Variants in PANK4 observed in about 807,000 individuals in gnomAD.
PANK4 encodes pantothenate kinase 4 (inactive).
Under a neutral mutation model 87.9 loss-of-function variants are expected in PANK4, and 40 were observed. The ratio of observed to expected loss-of-function variants is 0.46; its 90% CI spans 0.35 to 0.59. PANK4 has a LOEUF of 0.59. Among genes scored for constraint, PANK4 ranks in the 20% least tolerant of loss-of-function variants. The pLI, the probability that PANK4 is intolerant of heterozygous loss-of-function variation, is 0.00. For synonymous variants in PANK4, 524 were observed against 467.4 expected, an observed-to-expected ratio of 1.12 and a Z score of -1.56; for missense variants, 926 against 1,072.3, an observed-to-expected ratio of 0.86 and a Z score of 1.90.
At chr1:2,517,604 G>A (rs967669593) in intron 9 of PANK4, among the ~76,000 whole-genome samples, 12 of 152,234 alleles carry the variant, frequency 7.9e-5, no homozygotes, top group East Asian at 1.9e-4. Flanking sequence ...GGACCCTTCC[G>A]GAGCAGCTCC....
At position 2,519,079 on chromosome 1, in the gene PANK4, T is replaced by C. The variant is rs2100787038; in HGVS notation, c.1035+64A>G. 2 of 1,483,034 alleles carry C rather than the reference T, an allele frequency of 1.3e-6. No individual in the cohort carries two copies. Among genetic ancestry groups the C allele is most frequent in the Non-Finnish European group, 9.3e-7 (1 of 1,077,076 alleles). 91.9% of individuals were successfully genotyped at this position (1,483,034 alleles called of 1,614,324 possible). ...GGGGTGCTGCGGTGTCTAACCAGCA[T>C]GACTGATTGGGAAGATCCTGGGGGG... On this transcript the variant is annotated intron_variant, in intron 7 of 18. Coordinates refer to ENST00000378466, the MANE Select transcript of PANK4 (RefSeq NM_018216.4). The surrounding 1 kb of genome is among the most constrained non-coding windows in gnomAD (Gnocchi z 8.3).
chr1:2,517,478 G>A (rs965317702), intron 9 of PANK4, among the ~76,000 whole-genome samples: 4 of 152,258 alleles, frequency 2.6e-5, no homozygotes, highest in Non-Finnish European at 4.4e-5. Flanking sequence ...GCTACAGAAG[G>A]AATGAGCCCC....
chr1:2,525,394 C>T (rs1400776677), intron 1 of PANK4, among the ~76,000 whole-genome samples: 1 of 152,046 alleles, frequency 6.6e-6, no homozygotes, highest in Non-Finnish European at 1.5e-5. Flanking sequence ...CACACACAAG[C>T]AGACTCAGCC....
Position 2,511,664 on chromosome 1 carries a change from A to G in PANK4, c.1747T>C (p.Tyr583His). The G allele has an allele frequency of 6.2e-7, 1 of 1,609,650 alleles. No homozygotes were observed. The highest frequency in any genetic ancestry group is 1.1e-5 in the South Asian group (1 of 90,986). ...CTCTTTGCTTCTTCAAACCCAAAGT[A>G]GGGGTCGGATTCAAGGACACTGCAT... ...AVSAVLESDP[Y>H]FGFEEAKRKL... Residue 583 changes from tyrosine (Y) to histidine (H), a missense_variant, in exon 14 of 19, where the codon TAC (tyrosine) becomes CAC (histidine). Tyr to His is a moderately conservative substitution (Grantham distance 83). Transcript: ENST00000378466.
intron 13 of PANK4, chr1:2,512,567 C>T: frequency 5.2e-6 from 2 of 386,992 alleles, no homozygotes; most frequent in Non-Finnish European, 9.3e-6. Flanking sequence ...ATTCCTACCA[C>T]ACATAGGAAA....
rs531658572 is a variant in PANK4, at chr1:2,517,307, C to T, written c.1218+857G>A. 2.6e-5 allele frequency among the ~76,000 whole-genome samples: 4 copies of T among 152,310 alleles called. No individual in the cohort carries two copies. The East Asian group carries it at 5.8e-4, about 22-fold the overall frequency. ...CTGCAGGACCCACACAAAAGGGAGG[C>T]GCCCTCCTGAGAAGCCAAAACTCAA... On this transcript the variant is annotated intron_variant, in intron 9 of 18. Transcript: ENST00000378466.
At position 2,524,941 on chromosome 1, in the gene PANK4, C is replaced by A. The variant is rs574705249; in HGVS notation, c.124+1523G>T. Among the ~76,000 whole-genome samples the A allele has an allele frequency of 6.1e-4, 93 of 152,240 alleles. 2 individuals are homozygous for A. Among genetic ancestry groups the A allele is most frequent in the African/African-American group, 2.1e-3 (86 of 41,536 alleles). ...AGGGCTGCAAGCTCAGCACCTGCAGCCCAATAACCAGTCAGTCCCAAGTCC... is the reference window on the plus strand; with the variant it reads ...AGGGCTGCAAGCTCAGCACCTGCAGACCAATAACCAGTCAGTCCCAAGTCC... On this transcript the variant is annotated intron_variant, in intron 1 of 18. Coordinates refer to ENST00000378466, the MANE Select transcript of PANK4 (RefSeq NM_018216.4).
chr1:2,519,837 C>T lies in PANK4; in HGVS notation c.817G>A (p.Ala273Thr). 2 of 1,579,200 alleles carry T rather than the reference C, an allele frequency of 1.3e-6. No individual in the cohort carries two copies. Among genetic ancestry groups the T allele is most frequent in the Non-Finnish European group, 8.6e-7 (1 of 1,163,440 alleles). ...GTGGCCGACTTCCCGAAGCTGCTGG[C>T]GATGAGGTTCCCGCTCAGCCCGAGA... ...QTLGLSGNLI[A>T]SSFGKSATAD... Residue 273 changes from alanine to threonine, a missense_variant, in exon 6 of 19, where the codon GCC (alanine) becomes ACC (threonine). Transcript: ENST00000378466. This position sits in a 1 kb window ranked among gnomAD's most constrained non-coding sequence, Gnocchi z 8.3.
intron 13 of PANK4, 165 bp downstream of exon 13, chr1:2,512,723 G>C (rs532886535): frequency 1.5e-6 from 1 of 684,392 alleles, no homozygotes; most frequent in African/African-American, 1.8e-5. Context: ...CCCAGCCCCT[G>C]GCGCTGCTGC....
intron 11 of PANK4, 72 bp downstream of exon 11, chr1:2,514,282 G>A (rs558095772): frequency 5.4e-6 from 7 of 1,296,040 alleles, no homozygotes; most frequent in East Asian, 2.3e-5. Context: ...CCAACATCAC[G>A]GCACTTTCTC....
Position 2,514,014 on chromosome 1 carries a change from A to G in PANK4, c.1563T>C (p.Asp521=). The change falls in exon 12 of 19, where the codon GAT becomes GAC. Residue 521 remains aspartate (D), a synonymous_variant. Transcript: ENST00000378466. ...EHCLNEFNFP[D]PYSKVKQREN... The stretch of plus-strand genomic sequence containing the variant: ...ACACTGCACTTACTTTGGAGTAGGG[A>G]TCCGGGAAGTTGAACTCGTTCAGAC... The G allele has an allele frequency of 6.2e-7, 1 of 1,611,820 alleles. No homozygotes were observed. The highest frequency in any genetic ancestry group is 1.1e-5 in the South Asian group (1 of 91,068).
In PANK4 at chr1:2,510,122, G is replaced by A. The variant is rs1350398253; in HGVS notation, c.1974C>T (p.Asn658=). 6.2e-6 allele frequency: 10 copies of A among 1,609,798 alleles called. No individual in the cohort carries two copies. The highest frequency in any genetic ancestry group is 2.2e-5 in the East Asian group (1 of 44,652). Residue 658 remains asparagine, a synonymous_variant, in exon 17 of 19, where the codon AAC becomes AAT. Coordinates refer to ENST00000378466, the MANE Select transcript of PANK4 (RefSeq NM_018216.4). The surrounding 1 kb of genome is among the most constrained non-coding windows in gnomAD (Gnocchi z 4.9). ...ILACNSGPAL[N]DVTHSESLIV... Reference sequence around the variant, plus strand: ...TGAGGGACTCGCTGTGGGTCACGTCGTTCAGGGCGGGGCCTGAGTTGCACG... The same window carrying A: ...TGAGGGACTCGCTGTGGGTCACGTCATTCAGGGCGGGGCCTGAGTTGCACG...
At chr1:2,518,317 G>A in intron 8 of PANK4, 53 bp from the exon 9 acceptor site, 1 of 1,290,886 alleles carries the variant, frequency 7.7e-7, no homozygotes, top group Non-Finnish European at 1.1e-6. Context: ...TGATTCAAAA[G>A]CAGGAGAGTG....
In PANK4 at chr1:2,520,438, T is replaced by C. The variant is rs772194157; in HGVS notation, c.607-24A>G. 6.3e-7 allele frequency: 1 copy of C among 1,597,568 alleles called. No individual in the cohort carries two copies. The highest frequency in any genetic ancestry group is 1.7e-5 in the Admixed American group (1 of 59,990). ...ACCTGCAACAGAGCCAGGGCAGGTG[T>C]GCCCTCAGTGGGCCCTCAGCCACAC... On this transcript the variant is annotated intron_variant, in intron 4 of 18. Coordinates refer to ENST00000378466, the MANE Select transcript of PANK4 (RefSeq NM_018216.4). This position sits in a 1 kb window ranked among gnomAD's most constrained non-coding sequence, Gnocchi z 6.2.
Position 2,519,038 on chromosome 1 carries a change from C to A in PANK4, c.1035+105G>T. 2.7e-6 allele frequency: 3 copies of A among 1,099,316 alleles called. No individual in the cohort carries two copies. The allele number at this position is 1,099,316 out of a possible 1,614,324, so 68.1% of individuals were successfully genotyped here. ...GGGTGCTGGGCTTCTTGGCCCCCAC[C>A]CTCCAGGCCTCCCTGGGGGTGCTGC... On this transcript the variant is annotated intron_variant, in intron 7 of 18. Coordinates refer to ENST00000378466, the MANE Select transcript of PANK4 (RefSeq NM_018216.4). The surrounding 1 kb of genome is among the most constrained non-coding windows in gnomAD (Gnocchi z 8.3).
chr1:2,518,279 G>T lies in PANK4; in HGVS notation c.1118-15C>A. 1 of 1,578,504 alleles carries T rather than the reference G, an allele frequency of 6.3e-7. No homozygotes were observed. ...CTGGTTAGGATCTGGAAAGCAAGAAGCCAGGTCACTTGTGTTAACCTTGCC... is the reference window on the plus strand; with the variant it reads ...CTGGTTAGGATCTGGAAAGCAAGAATCCAGGTCACTTGTGTTAACCTTGCC... On this transcript the variant is annotated splice_polypyrimidine_tract_variant and intron_variant, in intron 8 of 18. Transcript: ENST00000378466.
intron 2 of PANK4, 93 bp from the exon 3 acceptor site, chr1:2,521,408 G>A (rs1643874345): frequency 6.7e-6 from 7 of 1,049,656 alleles, no homozygotes; most frequent in South Asian, 2.5e-5. Context: ...GGCTGTTCGC[G>A]CCAGCCTTCA....
At chr1:2,517,410 C>T (rs897991733) in intron 9 of PANK4, among the ~76,000 whole-genome samples, 6 of 152,208 alleles carry the variant, frequency 3.9e-5, no homozygotes, top group Non-Finnish European at 5.9e-5. Flanking sequence ...ACAATGCCAG[C>T]GGCCTGTCCT....
At position 2,511,703 on chromosome 1, in the gene PANK4, AG is replaced by A. The variant is rs780936515; in HGVS notation, c.1728-21del. 22 of 1,523,612 alleles carry A rather than the reference AG, an allele frequency of 1.4e-5. No homozygotes were observed. The highest frequency in any genetic ancestry group is 1.9e-5 in the Non-Finnish European group (21 of 1,098,416). The allele number at this position is 1,523,612 out of a possible 1,614,324, so 94.4% of individuals were successfully genotyped here. ...AGGACACTGCATGGAGGAGGAGAAA[AG>A]AAAATTAAGACAACAGAACAAAAAC... On this transcript the variant is annotated intron_variant, in intron 13 of 18. Coordinates refer to ENST00000378466, the MANE Select transcript of PANK4 (RefSeq NM_018216.4).
Sources: gnomAD v4.1 joint callset for allele counts (sites outside exome capture counted in the v4.1 genomes callset) on GRCh38, gnomAD v4.1.1 for gene constraint, Gnocchi (gnomAD v3.1) non-coding constraint, MANE v1.5 for transcripts, NCBI Gene and HGNC (gene_info 2026-07-23, HGNC 2026-07-21) for gene names.